Variants in CCDC117 observed in about 807,000 individuals in gnomAD.
CCDC117 encodes the protein coiled-coil domain containing 117, also known as coiled-coil domain-containing protein 117.
In CCDC117, 1 loss-of-function variant was observed where a neutral mutation model predicts 23.5. That is an observed-to-expected ratio of 0.04 (90% CI 0.02 to 0.20). CCDC117 has a LOEUF of 0.20. CCDC117 is among the 10% of genes least tolerant of loss of function. CCDC117 has a pLI of 1.00. For missense variants in CCDC117, 383 were observed against 348.2 expected, an observed-to-expected ratio of 1.10 and a Z score of -0.80; for synonymous variants, 132 against 124.8, an observed-to-expected ratio of 1.06 and a Z score of -0.39.
chr22:28,783,950 C>T (rs1322659774), intron 4 of CCDC117, among the ~76,000 whole-genome samples: 3 of 152,126 alleles, frequency 2.0e-5, no homozygotes, highest in Non-Finnish European at 2.9e-5. Context: ...TCCTGTGATA[C>T]AGGAACCACA....
intron 2 of CCDC117, among the ~76,000 whole-genome samples, chr22:28,777,503 T>C (rs2031200627): frequency 6.6e-6 from 1 of 151,692 alleles, no homozygotes; most frequent in African/African-American, 2.4e-5. Context: ...TGGACATCTT[T>C]TCTTTTTTTT....
In CCDC117 at chr22:28,772,702, C is replaced by T; in HGVS notation, c.-148C>T. On this transcript the variant is annotated 5_prime_UTR_variant, in exon 1 of 5. Transcript: ENST00000249064. ...AAATCCCGGCATGCCCCCGAGCGGC[C>T]TGAGGTGGAGGGTTCTAGAAGGCGT... 2 of 548,202 alleles carry T rather than the reference C, an allele frequency of 3.6e-6. No homozygotes were observed. Among genetic ancestry groups the T allele is most frequent in the Non-Finnish European group, 5.4e-6 (2 of 372,340 alleles). The allele number at this position is 548,202 out of a possible 1,614,324, so 34.0% of individuals were successfully genotyped here.
intron 4 of CCDC117, among the ~76,000 whole-genome samples, chr22:28,785,248 G>A (rs962800114): frequency 6.6e-6 from 1 of 151,908 alleles, no homozygotes; most frequent in Non-Finnish European, 1.5e-5. Flanking sequence ...GAGTGTAGTG[G>A]CATGATCACA....
intron 4 of CCDC117, among the ~76,000 whole-genome samples, chr22:28,785,424 A>G (rs986539381): frequency 6.6e-6 from 1 of 150,766 alleles, no homozygotes; most frequent in Non-Finnish European, 1.5e-5. Context: ...CTGGGCTCAA[A>G]CCATCTGCCT....
chr22:28,785,013 A>G (rs891388290), intron 4 of CCDC117, among the ~76,000 whole-genome samples: 4 of 151,742 alleles, frequency 2.6e-5, no homozygotes, highest in African/African-American at 9.7e-5. Context: ...CTTGTGATCC[A>G]CCCTCTTCGG....
chr22:28,781,335 GTTTTTTTTTTTTTTTTT>G lies in CCDC117; in HGVS notation c.464+180_464+196del, dbSNP rs1179781447. On this transcript the variant is annotated intron_variant, in intron 3 of 4. Transcript: ENST00000249064. ...GTATTCGTTTTTGTTTTTTTGTTTT[GTTTTTTTTTTTTTTTTT>G]TTTTTTTTTTTTTTTTGAGACGGAG... 2.7e-4 allele frequency among the ~76,000 whole-genome samples: 4 copies of G among 14,824 alleles called. 1 individual carries two copies. Among genetic ancestry groups the G allele is most frequent in the Non-Finnish European group, 3.0e-4 (3 of 10,108 alleles). The allele number at this position is 14,824 out of a possible 152,430, so 9.7% of individuals were successfully genotyped here. A position where few individuals can be genotyped will look rare whatever the true frequency, so the allele number is the denominator to read the frequency against.
At chr22:28,778,096 C>G (rs894073015) in intron 2 of CCDC117, among the ~76,000 whole-genome samples, 3 of 151,916 alleles carry the variant, frequency 2.0e-5, no homozygotes, top group African/African-American at 7.3e-5. Flanking sequence ...CCGCCCGCCT[C>G]GGCCTCCCAA....
At chr22:28,775,426 A>T (rs2031134514) in intron 2 of CCDC117, among the ~76,000 whole-genome samples, 3 of 152,190 alleles carry the variant, frequency 2.0e-5, no homozygotes, top group African/African-American at 4.8e-5. Context: ...GAAGTATATG[A>T]ATGATTTCCT....
intron 2 of CCDC117, among the ~76,000 whole-genome samples, chr22:28,776,516 G>A (rs143706736): frequency 6.6e-6 from 1 of 151,852 alleles, no homozygotes; most frequent in Non-Finnish European, 1.5e-5. Context: ...TCTGTCTCAG[G>A]TTCAAGCGAT....
intron 2 of CCDC117, among the ~76,000 whole-genome samples, chr22:28,774,483 A>G (rs1258846217): frequency 6.7e-6 from 1 of 149,602 alleles, no homozygotes; most frequent in Non-Finnish European, 1.5e-5. Context: ...ATGATCCCTC[A>G]GCTTCAGCCT....
At chr22:28,786,065 A>T in intron 4 of CCDC117, 24 bp from the exon 5 acceptor site, 2 of 1,549,798 alleles carry the variant, frequency 1.3e-6, no homozygotes, top group Non-Finnish European at 1.7e-6. Flanking sequence ...ATTTTTTGAT[A>T]AAAGTCTGTA....
chr22:28,786,502 T>G lies in CCDC117; in HGVS notation c.*176T>G. The stretch of plus-strand genomic sequence containing the variant: ...GTAGCCATTTATTGACTTCACCTTT[T>G]TGCCAAGGACGTTTGTCTCAAGGGA... On this transcript the variant is annotated 3_prime_UTR_variant, in exon 5 of 5. Coordinates refer to ENST00000249064, the MANE Select transcript of CCDC117 (RefSeq NM_173510.4). 1 of 567,362 alleles carries G rather than the reference T, an allele frequency of 1.8e-6. No homozygotes were observed. Among genetic ancestry groups the G allele is most frequent in the Non-Finnish European group, 3.1e-6 (1 of 323,218 alleles). The allele number at this position is 567,362 out of a possible 1,614,324, so 35.1% of individuals were successfully genotyped here. A position where few individuals can be genotyped will look rare whatever the true frequency, so the allele number is the denominator to read the frequency against.
At chr22:28,778,676 TAAATA>T (rs139896203) in intron 2 of CCDC117, among the ~76,000 whole-genome samples, 50 of 152,286 alleles carry the variant, frequency 3.3e-4, no homozygotes, top group African/African-American at 1.1e-3. Context: ...GATGCTAAAA[TAAATA>T]AATAAAAAGT....
intron 3 of CCDC117, 146 bp from the exon 4 acceptor site, chr22:28,783,362 G>T: frequency 1.4e-6 from 1 of 692,314 alleles, no homozygotes; most frequent in Non-Finnish European, 2.3e-6. Context: ...TTTATACTCA[G>T]GTATAGCCTC....
intron 4 of CCDC117, among the ~76,000 whole-genome samples, chr22:28,785,009 A>G (rs1051164484): frequency 6.6e-6 from 1 of 152,002 alleles, no homozygotes; most frequent in African/African-American, 2.4e-5. Flanking sequence ...TGACCTTGTG[A>G]TCCACCCTCT....
Position 28,783,517 on chromosome 22 carries a change from T to A in CCDC117, c.474T>A (p.Asp158Glu). The change falls in exon 4 of 5, where the codon GAT becomes GAA. Residue 158 changes from aspartate (D) to glutamate (E), a missense_variant. Transcript: ENST00000249064. ...GCCTTAATTGATTTAGGATAATTGA[T>A]GAAGATGAAGAAGTTGAAGCTGACA... The part of the protein sequence containing the change: ...KLQEIEDRII[D>E]EDEEVEADRN... 6.2e-7 allele frequency: 1 copy of A among 1,613,184 alleles called. No individual in the cohort carries two copies. The highest frequency in any genetic ancestry group is 2.2e-5 in the East Asian group (1 of 44,828).
intron 2 of CCDC117, among the ~76,000 whole-genome samples, chr22:28,780,154 TA>T (rs906117821): frequency 2.0e-5 from 3 of 151,232 alleles, no homozygotes; most frequent in South Asian, 2.1e-4. Context: ...AGTTTCCAAA[TA>T]AAAAAAAATG....
intron 1 of CCDC117, chr22:28,773,301 TC>T (rs1310462445): frequency 2.9e-5 from 5 of 171,494 alleles, no homozygotes; most frequent in Non-Finnish European, 6.3e-5. Context: ...AGTGAGACTT[TC>T]CCAGTTGGAA....
At chr22:28,775,389 T>C (rs1467445254) in intron 2 of CCDC117, among the ~76,000 whole-genome samples, 4 of 152,254 alleles carry the variant, frequency 2.6e-5, no homozygotes, top group African/African-American at 9.6e-5. Flanking sequence ...CCCTGACCAT[T>C]CTTTTGAAGT....
Sources: allele counts gnomAD v4.1 joint callset (sites outside exome capture counted in the v4.1 genomes callset), GRCh38; gene constraint gnomAD v4.1.1; transcripts MANE v1.5; gene names NCBI Gene and HGNC (gene_info 2026-07-23, HGNC 2026-07-21).